The following RNF213 variants were observed in gnomAD, a reference collection of about 807,000 sequenced individuals.
RNF213 encodes the protein ring finger protein 213.
Under a neutral mutation model 514.4 loss-of-function variants are expected in RNF213, and 341 were observed. The ratio of observed to expected loss-of-function variants is 0.66; its 90% CI spans 0.61 to 0.73. The LOEUF (loss-of-function observed/expected upper bound fraction) is 0.73, where lower values mean the gene tolerates loss of function less well. Among genes scored for constraint, RNF213 ranks in the 30% least tolerant of loss-of-function variants. The probability of loss-of-function intolerance (pLI) is 0.00; values close to 1 mark genes in which losing one functional copy is unlikely to be tolerated. For synonymous variants in RNF213, 2,655 were observed against 2,658.2 expected, an observed-to-expected ratio of 1.00 and a Z score of 0.04; for missense variants, 5,767 against 6,615.6, an observed-to-expected ratio of 0.87 and a Z score of 4.45.
Position 80,355,039 on chromosome 17 carries a change from A to G in RNF213, c.10862+463A>G, listed in dbSNP as rs116842651. 124 of 361,172 alleles carry G rather than the reference A, an allele frequency of 3.4e-4. 1 individual carries two copies. The highest frequency in any genetic ancestry group is 4.6e-4 in the Non-Finnish European group (85 of 182,982). 22.4% of individuals were successfully genotyped at this position (361,172 alleles called of 1,614,324 possible). A position where few individuals can be genotyped will look rare whatever the true frequency, so the allele number is the denominator to read the frequency against. On this transcript the variant is annotated intron_variant, in intron 36 of 67. Coordinates refer to ENST00000582970, the MANE Select transcript of RNF213 (RefSeq NM_001256071.3). ...CATGGTTATTTTTCTGTCACCCATG[A>G]GACTAACCTTGATTATCTTGGATGT...
At chr17:80,280,820 G>T (rs1308002367) in intron 3 of RNF213, among the ~76,000 whole-genome samples, 1 of 152,120 alleles carries the variant, frequency 6.6e-6, no homozygotes, top group Non-Finnish European at 1.5e-5. Flanking sequence ...TAACAGATGT[G>T]AGGAGGAGAA....
chr17:80,282,447 G>A (rs983706737), intron 3 of RNF213, among the ~76,000 whole-genome samples: 4 of 151,980 alleles, frequency 2.6e-5, no homozygotes, highest in Non-Finnish European at 4.4e-5. Flanking sequence ...CGCCCAGGCC[G>A]GAGTGCAGTG....
At position 80,396,652 on chromosome 17, in the gene RNF213, C is replaced by G. The variant is rs1336101087; in HGVS notation, c.*3154C>G. The G allele has an allele frequency of 1.3e-5, 2 of 150,598 alleles. No homozygotes were observed. Among genetic ancestry groups the G allele is most frequent in the East Asian group, 3.9e-4 (2 of 5,120 alleles). 9.3% of individuals were successfully genotyped at this position (150,598 alleles called of 1,614,324 possible). A position where few individuals can be genotyped will look rare whatever the true frequency, so the allele number is the denominator to read the frequency against. On this transcript the variant is annotated 3_prime_UTR_variant, in exon 68 of 68. Coordinates refer to ENST00000582970, the MANE Select transcript of RNF213 (RefSeq NM_001256071.3). ...ATTCTGCATTATTCTCATCCTATCACGTTCATTAAGTTCAACCATTACCAT... is the reference window on the plus strand; with the variant it reads ...ATTCTGCATTATTCTCATCCTATCAGGTTCATTAAGTTCAACCATTACCAT...
At chr17:80,376,138 G>A (rs2079747752) in intron 51 of RNF213, among the ~76,000 whole-genome samples, 163 bp from the exon 52 acceptor site, 1 of 152,204 alleles carries the variant, frequency 6.6e-6, no homozygotes, top group South Asian at 2.1e-4. Context: ...TGCTGTGTTT[G>A]TATATGCACA....
At position 80,390,157 on chromosome 17, in the gene RNF213, C is replaced by T; in HGVS notation, c.15431C>T (p.Pro5144Leu). Residue 5144 changes from proline (P) to leucine (L), a missense_variant, in exon 67 of 68, where the codon CCC (proline) becomes CTC (leucine). By Grantham distance (98) the Pro-to-Leu change is moderately conservative. Transcript: ENST00000582970. ...ATGATAATCTTGAAACTAAAGAACC[C>T]CCAAACCCAAACCGAGGAGCGCTTC... ...HEMIILKLKNPQTQTEERFRP... is the reference protein window; with the variant it reads ...HEMIILKLKNLQTQTEERFRP... 1 of 1,614,156 alleles carries T rather than the reference C, an allele frequency of 6.2e-7. No individual in the cohort carries two copies. The highest frequency in any genetic ancestry group is 8.5e-7 in the Non-Finnish European group (1 of 1,180,028).
In RNF213 at chr17:80,380,985, C is replaced by T. The variant is rs1235347045; in HGVS notation, c.13795C>T (p.Gln4599Ter). ...GCTTCTGGGAGCGTCCCAGAGTTCC[C>T]AGGTATAACCCAGTGCTGCCAAACA... ...ALLLGASQSS[Q>*]ALINIIKPPV... Residue 4599 changes from glutamine (Q) to a stop codon, truncating the protein, a stop_gained and splice_region_variant, in exon 56 of 68, where the codon CAG (glutamine) becomes TAG (stop). Coordinates refer to ENST00000582970, the MANE Select transcript of RNF213 (RefSeq NM_001256071.3). LOFTEE classifies it high-confidence loss of function. The T allele has an allele frequency of 6.2e-7, 1 of 1,614,092 alleles. No individual in the cohort carries two copies. The highest frequency in any genetic ancestry group is 8.5e-7 in the Non-Finnish European group (1 of 1,180,046).
At chr17:80,274,407 C>T (rs984406405) in intron 3 of RNF213, among the ~76,000 whole-genome samples, 1 of 149,476 alleles carries the variant, frequency 6.7e-6, no homozygotes. Context: ...TGGGCTCTAG[C>T]GCGGCCTGGG....
At chr17:80,383,152 G>A (rs1205574021) in intron 58 of RNF213, 82 bp downstream of exon 58, 3 of 968,882 alleles carry the variant, frequency 3.1e-6, no homozygotes, top group Non-Finnish European at 5.0e-6. Flanking sequence ...CTCCTTGCCT[G>A]TTGCCCCTCG....
chr17:80,289,797 CA>C lies in RNF213; in HGVS notation c.1079del (p.Asn360ThrfsTer9), dbSNP rs775429031. On this transcript the variant is annotated frameshift_variant, in exon 6 of 68. Transcript: ENST00000582970. LOFTEE classifies it high-confidence loss of function. ...AGCTGCTGTGAAAAACGAGAAGGAG[CA>C]AAAAAACCAGGAAGCAGATGTCCAG... The part of the protein sequence containing the change: ...SAAAVKNEKE[Q>X]KNQEADVQEV... 1.2e-6 allele frequency: 2 copies of C among 1,612,682 alleles called. No individual in the cohort carries two copies. Among genetic ancestry groups the C allele is most frequent in the East Asian group, 4.5e-5 (2 of 44,864 alleles).
chr17:80,276,210 C>T (rs2145179694), intron 3 of RNF213, among the ~76,000 whole-genome samples: 1 of 152,134 alleles, frequency 6.6e-6, no homozygotes, highest in South Asian at 2.1e-4. Flanking sequence ...AAGCGATTCT[C>T]CTGCCTCAGC....
At position 80,347,975 on chromosome 17, in the gene RNF213, C is replaced by CAGAAGAGG; in HGVS notation, c.9640_9641insAGAAGAGG (p.Pro3214GlnfsTer24). 6.2e-7 allele frequency: 1 copy of CAGAAGAGG among 1,614,048 alleles called. No homozygotes were observed. The highest frequency in any genetic ancestry group is 8.5e-7 in the Non-Finnish European group (1 of 1,179,900). On this transcript the variant is annotated frameshift_variant, in exon 29 of 68. Coordinates refer to ENST00000582970, the MANE Select transcript of RNF213 (RefSeq NM_001256071.3). LOFTEE classifies it high-confidence loss of function. The surrounding 1 kb of genome is among the most constrained non-coding windows in gnomAD (Gnocchi z 7.2). ...TTTCCAGAAGAGGCACAAATACAGCCCCTCTGACGTCTTCATCGGCTACCA... is the reference window on the plus strand; with the variant it reads ...TTTCCAGAAGAGGCACAAATACAGCCAGAAGAGGCCTCTGACGTCTTCATCGGCTACCA...
rs2078214001 is a variant in RNF213 at position 80,343,293 on chromosome 17, C to G, written c.6151C>G (p.Pro2051Ala). ...PFLDAQYQKVPVLFHLDVTSS... is the reference protein window; with the variant it reads ...PFLDAQYQKVAVLFHLDVTSS... Reference sequence around the variant, plus strand: ...CCTGGATGCGCAGTATCAGAAGGTCCCCGTGCTCTTTCACCTGGACGTGAC... The same window carrying G: ...CCTGGATGCGCAGTATCAGAAGGTCGCCGTGCTCTTTCACCTGGACGTGAC... Residue 2051 changes from proline to alanine, a missense_variant, in exon 27 of 68, where the codon CCC becomes GCC. Transcript: ENST00000582970. This position sits in a 1 kb window ranked among gnomAD's most constrained non-coding sequence, Gnocchi z 4.3. The G allele has an allele frequency of 4.3e-6, 7 of 1,612,950 alleles. No individual in the cohort carries two copies. The highest frequency in any genetic ancestry group is 1.3e-5 in the African/African-American group (1 of 74,870).
intron 39 of RNF213, among the ~76,000 whole-genome samples, chr17:80,362,738 C>G (rs549932887): frequency 1.3e-5 from 2 of 152,212 alleles, no homozygotes; most frequent in African/African-American, 2.4e-5. Flanking sequence ...CAGGGATGTC[C>G]TTTTCAGCTT....
At chr17:80,309,292 C>T in intron 14 of RNF213, 121 bp downstream of exon 14, 3 of 1,176,302 alleles carry the variant, frequency 2.6e-6, no homozygotes, top group Non-Finnish European at 3.8e-6. Context: ...GCGGTGGTTT[C>T]AGCAGTGGAC....
chr17:80,275,216 C>T (rs970930861), intron 3 of RNF213, among the ~76,000 whole-genome samples: 2 of 150,482 alleles, frequency 1.3e-5, no homozygotes, highest in Admixed American at 6.7e-5. Context: ...TGTGTGTGTG[C>T]TTGTGTCATT....
At chr17:80,333,120 C>T (rs1401281439) in intron 21 of RNF213, among the ~76,000 whole-genome samples, 1 of 151,394 alleles carries the variant, frequency 6.6e-6, no homozygotes, top group Non-Finnish European at 1.5e-5. Flanking sequence ...GCGATCTTGG[C>T]TCACTGCAAG....
In RNF213 at chr17:80,358,294, C is replaced by T; in HGVS notation, c.10869C>T (p.Thr3623=). The change falls in exon 37 of 68, where the codon ACC becomes ACT. Residue 3623 remains threonine (T), a synonymous_variant. Transcript: ENST00000582970. The part of the protein sequence containing the change: ...ALQEAGTFRH[T]LWKRVQGAVT... ...TCTCTCTTCTGTGCTGCAGGCACAC[C>T]CTCTGGAAGCGGGTCCAAGGTGCTG... The T allele has an allele frequency of 6.2e-7, 1 of 1,613,898 alleles. No individual in the cohort carries two copies. Among genetic ancestry groups the T allele is most frequent in the Non-Finnish European group, 8.5e-7 (1 of 1,179,912 alleles).
At chr17:80,306,217 C>T (rs758853515) in intron 11 of RNF213, 35 bp from the exon 12 acceptor site, 24 of 1,590,052 alleles carry the variant, frequency 1.5e-5, no homozygotes, top group South Asian at 7.7e-5. Flanking sequence ...GATCTCACTG[C>T]GTCTCTTTTC....
Position 80,309,132 on chromosome 17 carries a change from C to G in RNF213, c.2616C>G (p.Ala872=). Residue 872 remains alanine (A), a synonymous_variant, in exon 14 of 68, where the codon GCC becomes GCG. Coordinates refer to ENST00000582970, the MANE Select transcript of RNF213 (RefSeq NM_001256071.3). ...LKFYELPALS[A]EIVCRMIRLL... ...TTTACGAGCTGCCAGCCTTATCTGCCGAGATTGTCTGCAGAATGATTAGAC... is the reference window on the plus strand; with the variant it reads ...TTTACGAGCTGCCAGCCTTATCTGCGGAGATTGTCTGCAGAATGATTAGAC... The G allele has an allele frequency of 1.2e-6, 2 of 1,614,164 alleles. No homozygotes were observed. The highest frequency in any genetic ancestry group is 1.3e-5 in the African/African-American group (1 of 75,038).
Sources: allele counts gnomAD v4.1 joint callset (sites outside exome capture counted in the v4.1 genomes callset), GRCh38; gene constraint gnomAD v4.1.1; non-coding constraint Gnocchi (gnomAD v3.1); transcripts MANE v1.5; gene names NCBI Gene and HGNC (gene_info 2026-07-23, HGNC 2026-07-21).